Variants in XRN1 observed in about 807,000 individuals in gnomAD.
The protein encoded by XRN1 is 5'-3' exoribonuclease 1.
A neutral mutation model predicts 222.3 loss-of-function variants in XRN1; 67 were observed. That is an observed-to-expected ratio of 0.30 (90% CI 0.25 to 0.37). The LOEUF is 0.37. XRN1 is among the 10% of genes least tolerant of loss of function. The pLI, the probability that XRN1 is intolerant of heterozygous loss-of-function variation, is 1.00. For synonymous variants in XRN1, 643 were observed against 652.4 expected, an observed-to-expected ratio of 0.99 and a Z score of 0.22; for missense variants, 1,707 against 2,000.2, an observed-to-expected ratio of 0.85 and a Z score of 2.80.
At chr3:142,386,850 A>G (rs2067521776) in intron 20 of XRN1, among the ~76,000 whole-genome samples, 1 of 152,224 alleles carries the variant, frequency 6.6e-6, no homozygotes, top group African/African-American at 2.4e-5. Flanking sequence ...TTATGAAAAC[A>G]GAAATCAACA....
intron 37 of XRN1, among the ~76,000 whole-genome samples, chr3:142,320,196 G>A (rs1314484970): frequency 2.0e-5 from 3 of 152,130 alleles, no homozygotes; most frequent in African/African-American, 7.2e-5. Flanking sequence ...AACCAACAGT[G>A]TATAAACACT....
At chr3:142,392,556 T>C (rs1209111714) in intron 20 of XRN1, among the ~76,000 whole-genome samples, 2 of 152,036 alleles carry the variant, frequency 1.3e-5, no homozygotes, top group Admixed American at 6.6e-5. Context: ...TTCCCACCTA[T>C]GAGTGAGAAT....
chr3:142,414,408 C>G (rs2068706564), intron 13 of XRN1, 117 bp from the exon 14 acceptor site: 5 of 773,520 alleles, frequency 6.5e-6, no homozygotes, highest in Non-Finnish European at 3.6e-6. Flanking sequence ...AAAATTAGTA[C>G]TGCCCATAAT....
chr3:142,371,723 C>T (rs1429793722), intron 25 of XRN1, among the ~76,000 whole-genome samples: 1 of 152,246 alleles, frequency 6.6e-6, no homozygotes, highest in African/African-American at 2.4e-5. Context: ...TTTCAAAACT[C>T]CATTTCTTTC....
chr3:142,400,342 T>G, intron 19 of XRN1, 102 bp downstream of exon 19: 1 of 937,910 alleles, frequency 1.1e-6, no homozygotes, highest in Non-Finnish European at 1.6e-6. Flanking sequence ...AGTGTAAATG[T>G]TCTTAATATA....
chr3:142,432,922 C>G (rs1474467540), intron 1 of XRN1, 29 bp from the exon 2 acceptor site: 1 of 1,530,274 alleles, frequency 6.5e-7, no homozygotes, highest in Admixed American at 1.7e-5. Flanking sequence ...TGCTTGAGAT[C>G]ATTTATTTTA....
At chr3:142,416,909 G>T (rs1273216813) in intron 13 of XRN1, among the ~76,000 whole-genome samples, 1 of 150,786 alleles carries the variant, frequency 6.6e-6, no homozygotes, top group African/African-American at 2.4e-5. Flanking sequence ...GCGCATGCCT[G>T]TAATCCCAGC....
At position 142,380,070 on chromosome 3, in the gene XRN1, T is replaced by C. The variant is rs566684924; in HGVS notation, c.2715+12A>G. 1,360 of 1,604,460 alleles carry C rather than the reference T, an allele frequency of 8.5e-4. 24 individuals carry two copies. The South Asian group carries it at 0.014, about 17-fold the overall frequency. ...CAATTCTAAATGAAACAATACAAAC[T>C]ACTGTACTCACATGCTGGTTCTGTA... On this transcript the variant is annotated intron_variant, in intron 23 of 40. Transcript: ENST00000392981.
chr3:142,318,804 C>T lies in XRN1; in HGVS notation c.4504G>A (p.Ala1502Thr). Residue 1502 changes from alanine to threonine, a missense_variant, in exon 38 of 41, where the codon GCT becomes ACT. This residue lies in a region of XRN1 where 473 missense variants were observed against 482.0 expected (regional missense o/e 0.98). Coordinates refer to ENST00000392981, the MANE Select transcript of XRN1 (RefSeq NM_001282857.2). Reference sequence around the variant, plus strand: ...ACAGTTCTTACCAACTGTTGTAAAGCAAAAAGTGCAGCTTTCTCTTTGGCT... The same window carrying T: ...ACAGTTCTTACCAACTGTTGTAAAGTAAAAAGTGCAGCTTTCTCTTTGGCT... ...NEAKEKAALFALQQLGSLGMN... is the reference protein window; with the variant it reads ...NEAKEKAALFTLQQLGSLGMN... 1 of 1,613,812 alleles carries T rather than the reference C, an allele frequency of 6.2e-7. No homozygotes were observed. The highest frequency in any genetic ancestry group is 1.7e-4 in the Middle Eastern group (1 of 6,054).
At chr3:142,432,159 A>T (rs1490697340) in intron 2 of XRN1, among the ~76,000 whole-genome samples, 1 of 125,118 alleles carries the variant, frequency 8.0e-6, no homozygotes, top group Non-Finnish European at 1.6e-5. Context: ...TATATAATTT[A>T]TATATAAATA....
intron 32 of XRN1, among the ~76,000 whole-genome samples, chr3:142,353,227 TA>T (rs942799256): frequency 2.0e-5 from 3 of 152,100 alleles, no homozygotes; most frequent in African/African-American, 7.2e-5. Context: ...CGTAAATAAC[TA>T]AAAAAACCCT....
chr3:142,416,652 C>T (rs184296983), intron 13 of XRN1, among the ~76,000 whole-genome samples: 46 of 152,216 alleles, frequency 3.0e-4, no homozygotes, highest in African/African-American at 1.0e-3. Context: ...TAACTAAGAC[C>T]TCTTATTATG....
At chr3:142,362,123 C>T (rs1474254700) in intron 29 of XRN1, among the ~76,000 whole-genome samples, 1 of 151,478 alleles carries the variant, frequency 6.6e-6, no homozygotes, top group Admixed American at 6.6e-5. Flanking sequence ...TGCCGGCCAC[C>T]ATTCCTGGCT....
intron 37 of XRN1, among the ~76,000 whole-genome samples, chr3:142,327,526 C>A (rs1399777110): frequency 1.3e-5 from 2 of 148,490 alleles, no homozygotes; most frequent in Non-Finnish European, 3.0e-5. Context: ...TTTTGCTTAT[C>A]TTTTAAAAAA....
In XRN1 at chr3:142,307,466, G is replaced by C. The variant is rs1207912186; in HGVS notation, c.*4045C>G. The C allele has an allele frequency of 2.0e-5, 3 of 152,128 alleles. No homozygotes were observed. The highest frequency in any genetic ancestry group is 7.2e-5 in the African/African-American group (3 of 41,426). The allele number at this position is 152,128 out of a possible 1,614,324, so 9.4% of individuals were successfully genotyped here. A position where few individuals can be genotyped will look rare whatever the true frequency, so the allele number is the denominator to read the frequency against. On this transcript the variant is annotated 3_prime_UTR_variant, in exon 41 of 41. Coordinates refer to ENST00000392981, the MANE Select transcript of XRN1 (RefSeq NM_001282857.2). ...CAAATTGCACTTGAGATGGCTGAAT[G>C]CATTGATTGAGCAAGGCATTATTAT...
intron 27 of XRN1, among the ~76,000 whole-genome samples, chr3:142,366,569 T>C (rs2066818925): frequency 1.3e-5 from 2 of 152,128 alleles, no homozygotes; most frequent in Non-Finnish European, 1.5e-5. Context: ...GGAAGATATA[T>C]AGCATGCTAG....
intron 24 of XRN1, 139 bp from the exon 25 acceptor site, chr3:142,376,083 T>G: frequency 7.4e-7 from 1 of 1,351,604 alleles, no homozygotes; most frequent in African/African-American, 1.5e-5. Flanking sequence ...TCTTCTATAT[T>G]TTAGTTATTA....
At position 142,418,515 on chromosome 3, in the gene XRN1, G is replaced by C. The variant is rs147612996; in HGVS notation, c.1335C>G (p.Asp445Glu). Residue 445 changes from aspartate (D) to glutamate (E), a missense_variant, in exon 12 of 41, where the codon GAC becomes GAG. By Grantham distance (45) the Asp-to-Glu change is conservative. Coordinates refer to ENST00000392981, the MANE Select transcript of XRN1 (RefSeq NM_001282857.2). ...RTYYMTKMGV[D>E]VVSDDFLADQ... ...TGGCAAAAACGTACTCAGATACTAC[G>C]TCAACCCCCATCTTCGTCATGTAAT... The C allele has an allele frequency of 6.2e-7, 1 of 1,608,758 alleles. No homozygotes were observed. Among genetic ancestry groups the C allele is most frequent in the East Asian group, 2.2e-5 (1 of 44,554 alleles).
intron 20 of XRN1, among the ~76,000 whole-genome samples, chr3:142,395,262 G>T (rs2067885508): frequency 1.3e-5 from 2 of 152,138 alleles, no homozygotes; most frequent in South Asian, 4.1e-4. Flanking sequence ...TATCAGGGGG[G>T]AATATGGTAG....
Sources: gnomAD v4.1 joint callset for allele counts (sites outside exome capture counted in the v4.1 genomes callset) on GRCh38, gnomAD v4.1.1 for gene constraint, gnomAD v4.1.1 regional missense constraint, MANE v1.5 for transcripts, NCBI Gene and HGNC (gene_info 2026-07-23, HGNC 2026-07-21) for gene names.